Variants in KIAA0825 observed in about 807,000 individuals in gnomAD.
KIAA0825 encodes the protein KIAA0825.
Under a neutral mutation model 147.6 loss-of-function variants are expected in KIAA0825, and 119 were observed. The ratio of observed to expected loss-of-function variants is 0.81; its 90% CI spans 0.69 to 0.94. The LOEUF is 0.94. Ranked by LOEUF, KIAA0825 falls within the 40% of genes least tolerant of loss-of-function variation. KIAA0825 has a pLI of 0.00. For synonymous variants in KIAA0825, 470 were observed against 518.1 expected, an observed-to-expected ratio of 0.91 and a Z score of 1.26; for missense variants, 1,381 against 1,472.7, an observed-to-expected ratio of 0.94 and a Z score of 1.02.
At chr5:94,429,843 A>G (rs2150780419) in intron 14 of KIAA0825, among the ~76,000 whole-genome samples, 1 of 152,316 alleles carries the variant, frequency 6.6e-6, no homozygotes, top group South Asian at 2.1e-4. Flanking sequence ...AGTTCTCTAC[A>G]CAGGTATGGG....
intron 20 of KIAA0825, among the ~76,000 whole-genome samples, chr5:94,172,106 G>A (rs1463462571): frequency 6.6e-6 from 1 of 152,122 alleles, no homozygotes; most frequent in Non-Finnish European, 1.5e-5. Context: ...ATTATATGAA[G>A]ATAACAATTA....
intron 14 of KIAA0825, among the ~76,000 whole-genome samples, chr5:94,428,928 G>A (rs1755273192): frequency 6.6e-6 from 1 of 152,000 alleles, no homozygotes; most frequent in Admixed American, 6.6e-5. Flanking sequence ...GTCTGAGTGA[G>A]TTCAAAATAC....
chr5:94,371,938 G>A (rs1052153212), intron 20 of KIAA0825, among the ~76,000 whole-genome samples: 2 of 152,136 alleles, frequency 1.3e-5, no homozygotes, highest in African/African-American at 2.4e-5. Context: ...AGATACAATG[G>A]GGGTACAGGC....
At chr5:94,300,852 G>A (rs1778365240) in intron 20 of KIAA0825, among the ~76,000 whole-genome samples, 1 of 152,132 alleles carries the variant, frequency 6.6e-6, no homozygotes, top group Non-Finnish European at 1.5e-5. Flanking sequence ...GGTTAGGGAG[G>A]AAAAGAGATG....
At chr5:94,168,921 G>C (rs1188453723) in intron 20 of KIAA0825, among the ~76,000 whole-genome samples, 2 of 152,130 alleles carry the variant, frequency 1.3e-5, no homozygotes, top group African/African-American at 4.8e-5. Context: ...TACATTAAAA[G>C]ATACTTAAAC....
intron 20 of KIAA0825, among the ~76,000 whole-genome samples, chr5:94,209,546 G>T (rs1488760494): frequency 6.6e-6 from 1 of 152,130 alleles, no homozygotes; most frequent in Non-Finnish European, 1.5e-5. Flanking sequence ...GTTGAAAAGG[G>T]TTGTGCTCAT....
intron 20 of KIAA0825, among the ~76,000 whole-genome samples, chr5:94,300,996 T>G (rs1446815336): frequency 6.6e-6 from 1 of 152,154 alleles, no homozygotes; most frequent in Non-Finnish European, 1.5e-5. Flanking sequence ...AGAGGATTAA[T>G]AGGTGGATGA....
At chr5:94,316,021 T>C (rs926812778) in intron 20 of KIAA0825, among the ~76,000 whole-genome samples, 1 of 151,716 alleles carries the variant, frequency 6.6e-6, no homozygotes, top group African/African-American at 2.4e-5. Context: ...TTGGGTTTGT[T>C]TGAAGGAAAT....
chr5:94,459,806 A>T (rs141588031), intron 12 of KIAA0825, among the ~76,000 whole-genome samples: 1 of 152,278 alleles, frequency 6.6e-6, no homozygotes, highest in East Asian at 1.9e-4. Context: ...AAACATCAAA[A>T]CATTCGGGTA....
intron 2 of KIAA0825, among the ~76,000 whole-genome samples, chr5:94,555,398 A>G (rs1024236666): frequency 6.6e-5 from 10 of 152,166 alleles, no homozygotes; most frequent in Non-Finnish European, 4.4e-5. Flanking sequence ...CTTTCTGCTA[A>G]TAACTGTGGA....
At chr5:94,476,286 T>C (rs1761885976) in intron 7 of KIAA0825, among the ~76,000 whole-genome samples, 1 of 152,162 alleles carries the variant, frequency 6.6e-6, no homozygotes, top group South Asian at 2.1e-4. Context: ...TGATGGAAGA[T>C]TTGAGAAGTC....
chr5:94,433,107 C>A (rs938329939), intron 14 of KIAA0825, among the ~76,000 whole-genome samples: 1 of 152,134 alleles, frequency 6.6e-6, no homozygotes, highest in Non-Finnish European at 1.5e-5. Context: ...AATCTCGGTT[C>A]ACTGCAAGCT....
At chr5:94,207,793 G>A (rs1045811025) in intron 20 of KIAA0825, among the ~76,000 whole-genome samples, 61 of 152,116 alleles carry the variant, frequency 4.0e-4, no homozygotes, top group African/African-American at 1.4e-3. Context: ...AGGGGGGCTC[G>A]CAGTCAAACA....
chr5:94,438,434 G>C (rs1320449365), intron 14 of KIAA0825, among the ~76,000 whole-genome samples: 1 of 152,156 alleles, frequency 6.6e-6, no homozygotes, highest in Non-Finnish European at 1.5e-5. Context: ...GAGTGGTTAA[G>C]CCTGAAGCTA....
chr5:94,520,727 A>G lies in KIAA0825; in HGVS notation c.491T>C (p.Ile164Thr). 7 of 1,613,454 alleles carry G rather than the reference A, an allele frequency of 4.3e-6. No individual in the cohort carries two copies. Among genetic ancestry groups the G allele is most frequent in the South Asian group, 1.1e-5 (1 of 91,070 alleles). ...TAAGAAGCGTCGAAGATGCAGTCTT[A>G]TATCATCCCACATAGACTTGACATC... ...SMDVKSMWDD[I>T]RLHLRRFLVS... Residue 164 changes from isoleucine to threonine, a missense_variant, in exon 5 of 21, where the codon ATA (isoleucine) becomes ACA (threonine). Coordinates refer to ENST00000682413, the MANE Select transcript of KIAA0825 (RefSeq NM_001145678.3).
At chr5:94,265,553 C>A (rs570060541) in intron 20 of KIAA0825, among the ~76,000 whole-genome samples, 1 of 152,154 alleles carries the variant, frequency 6.6e-6, no homozygotes, top group Non-Finnish European at 1.5e-5. Flanking sequence ...AATCCCAACA[C>A]TTTGGGAGGC....
chr5:94,438,018 G>A (rs1431001201), intron 14 of KIAA0825, among the ~76,000 whole-genome samples: 1 of 152,182 alleles, frequency 6.6e-6, no homozygotes, highest in Non-Finnish European at 1.5e-5. Flanking sequence ...TAGCTGGAAA[G>A]GTAAGTTAAA....
chr5:94,483,774 C>T (rs1321970288), intron 6 of KIAA0825, among the ~76,000 whole-genome samples: 1 of 151,718 alleles, frequency 6.6e-6, no homozygotes, highest in African/African-American at 2.4e-5. Context: ...AACCCTATAA[C>T]TTTTGTGACA....
At chr5:94,345,539 A>G in intron 20 of KIAA0825, among the ~76,000 whole-genome samples, 1 of 152,040 alleles carries the variant, frequency 6.6e-6, no homozygotes, top group Non-Finnish European at 1.5e-5. Context: ...CTTTGAAACT[A>G]TTTTCTCATC....
Sources: allele counts gnomAD v4.1 joint callset (sites outside exome capture counted in the v4.1 genomes callset), GRCh38; gene constraint gnomAD v4.1.1; transcripts MANE v1.5; gene names NCBI Gene and HGNC (gene_info 2026-07-23, HGNC 2026-07-21).